PIWIL1: variants seen among roughly 807,000 people sequenced by gnomAD.
PIWIL1 encodes the protein piwi-like protein 1.
A neutral mutation model predicts 114.4 loss-of-function variants in PIWIL1; 73 were observed. The observed-to-expected ratio is 0.64, with a 90% CI of 0.53 to 0.78. The LOEUF is 0.78. PIWIL1 is among the 30% of genes least tolerant of loss of function. The probability of loss-of-function intolerance (pLI) is 0.00; values close to 1 mark genes in which losing one functional copy is unlikely to be tolerated. For missense variants in PIWIL1, 723 were observed against 1,063.1 expected (o/e 0.68, Z 4.45); for synonymous variants, 375 against 369.0 (o/e 1.02, Z -0.19).
chr12:130,413,941 G>A, the PIWIL1 span, among the ~76,000 whole-genome samples: 1 of 152,230 alleles, frequency 6.6e-6, no homozygotes. Flanking sequence ...AGATGCTGGA[G>A]AAGGCACTTT....
chr12:130,424,391 C>T, the PIWIL1 span: 5 of 1,232,614 alleles, frequency 4.1e-6, no homozygotes, highest in East Asian at 6.3e-5. This position sits in a 1 kb window ranked among gnomAD's most constrained non-coding sequence, Gnocchi z 9.8. Context: ...GCGTCCGCCG[C>T]CGGGCCAGCA....
rs759402323 is a variant in PIWIL1, at chr12:130,357,541, A to G, written c.1653A>G (p.Ala551=). 1.9e-6 allele frequency: 3 copies of G among 1,610,350 alleles called. No individual in the cohort carries two copies. In the South Asian group the frequency reaches 3.3e-5, roughly 18 times the overall value. The part of the protein sequence containing the change: ...YLRVLQQKVT[A]DTQIVVCLLS... The stretch of plus-strand genomic sequence containing the variant: ...GAGTCTTACAGCAAAAGGTCACAGC[A>G]GACACCCAGATAGTAAGTAACTAAT... The change falls in exon 14 of 21, where the codon GCA becomes GCG. Residue 551 remains alanine, a synonymous_variant. Transcript: ENST00000245255.
chr12:130,352,458 C>T lies in PIWIL1; in HGVS notation c.1045-2079C>T, dbSNP rs761250840. On this transcript the variant is annotated intron_variant, in intron 9 of 20. Coordinates refer to ENST00000245255, the MANE Select transcript of PIWIL1 (RefSeq NM_004764.5). Reference sequence around the variant, plus strand: ...CTCTGGGAGGCCGAGGTGGGTGGATCACCTAAGGTCAGGAGTTTGAGACCA... The same window carrying T: ...CTCTGGGAGGCCGAGGTGGGTGGATTACCTAAGGTCAGGAGTTTGAGACCA... 5.3e-5 allele frequency among the ~76,000 whole-genome samples: 8 copies of T among 152,136 alleles called. No individual in the cohort carries two copies. The East Asian group carries it at 9.6e-4, about 18-fold the overall frequency.
In PIWIL1 at chr12:130,346,628, G is replaced by T. The variant is rs528177849; in HGVS notation, c.531+44G>T. The T allele has an allele frequency of 2.0e-6, 3 of 1,466,686 alleles. No individual in the cohort carries two copies. In the South Asian group the frequency reaches 3.4e-5, roughly 17 times the overall value. 90.9% of individuals were successfully genotyped at this position (1,466,686 alleles called of 1,614,324 possible). ...GATGGGGGATTTCCACTTCAAAGCA[G>T]AACTACCACAATGTAAGATAGCTCA... On this transcript the variant is annotated intron_variant, in intron 5 of 20. Transcript: ENST00000245255.
intron 1 of PIWIL1, among the ~76,000 whole-genome samples, chr12:130,341,528 C>G (rs907383926): frequency 3.3e-5 from 5 of 152,202 alleles, no homozygotes; most frequent in African/African-American, 1.2e-4. Context: ...GCTTTTAAAG[C>G]TGTGTGTAAA....
In PIWIL1 at chr12:130,361,408, G is replaced by A. The variant is rs760845959; in HGVS notation, c.1866+28G>A. The A allele has an allele frequency of 5.2e-5, 84 of 1,611,404 alleles. No homozygotes were observed. In the Admixed American group the frequency reaches 5.5e-4, roughly 11 times the overall value. ...GAGTTTGATTTAATTGGTAGATGCC[G>A]TTTTAAAATTGGTATTTAAGAACAT... On this transcript the variant is annotated intron_variant, in intron 15 of 20. Transcript: ENST00000245255.
chr12:130,340,950 C>T (rs1405207145), intron 1 of PIWIL1, among the ~76,000 whole-genome samples: 1 of 152,036 alleles, frequency 6.6e-6, no homozygotes, highest in African/African-American at 2.4e-5. Flanking sequence ...TGCTTTAATC[C>T]TGTAAAATAC....
At chr12:130,389,039 T>C in the PIWIL1 span, among the ~76,000 whole-genome samples, 1 of 152,174 alleles carries the variant, frequency 6.6e-6, no homozygotes, top group Non-Finnish European at 1.5e-5. Context: ...TGAGTTTTTT[T>C]AGTTTTTCTA....
In PIWIL1 at chr12:130,346,453, A is replaced by G. The variant is rs940667615; in HGVS notation, c.400A>G (p.Ile134Val). The change falls in exon 5 of 21, where the codon ATT becomes GTT. Residue 134 changes from isoleucine to valine, a missense_variant. This residue lies in a region of PIWIL1 where 190 missense variants were observed against 294.4 expected (regional missense o/e 0.65). Transcript: ENST00000245255. ...RPQWALYQYH[I>V]DYNPLMEARR... Reference sequence around the variant, plus strand: ...CCAGTGGGCCTTATATCAGTATCACATTGACTATAACCCACTGATGGAAGC... The same window carrying G: ...CCAGTGGGCCTTATATCAGTATCACGTTGACTATAACCCACTGATGGAAGC... 14 of 1,613,900 alleles carry G rather than the reference A, an allele frequency of 8.7e-6. No individual in the cohort carries two copies. The South Asian group carries it at 1.3e-4, about 15-fold the overall frequency.
rs1262554687 is a variant in PIWIL1, at chr12:130,347,085, T to C, written c.653+23T>C. 2.6e-6 allele frequency: 4 copies of C among 1,547,704 alleles called. No individual in the cohort carries two copies. The South Asian group carries it at 3.5e-5, about 13-fold the overall frequency. On this transcript the variant is annotated intron_variant, in intron 6 of 20. Transcript: ENST00000245255. ...GAGGTATGTGTTTTATTTCAACATT[T>C]TATTAAGAAAACAGCAAAGTTGAAA... is the stretch of plus-strand genomic sequence containing the variant.
chr12:130,424,480 G>A, the PIWIL1 span: 255 of 1,232,008 alleles, frequency 2.1e-4, no homozygotes, highest in Middle Eastern at 6.2e-4. The surrounding 1 kb of genome is among the most constrained non-coding windows in gnomAD (Gnocchi z 9.8). Flanking sequence ...AAGCCAAACC[G>A]CGACTCGTCC....
chr12:130,413,699 G>A, the PIWIL1 span, among the ~76,000 whole-genome samples: 9 of 150,212 alleles, frequency 6.0e-5, no homozygotes, highest in African/African-American at 2.2e-4. Context: ...TCCATCAGGT[G>A]TATTAAAGAA....
In PIWIL1 at chr12:130,349,493, T is replaced by C; in HGVS notation, c.932+57T>C. 24 of 1,142,870 alleles carry C rather than the reference T, an allele frequency of 2.1e-5. No individual in the cohort carries two copies. In the South Asian group the frequency reaches 3.1e-4, roughly 15 times the overall value. 70.8% of individuals were successfully genotyped at this position (1,142,870 alleles called of 1,614,324 possible). A position where few individuals can be genotyped will look rare whatever the true frequency, so the allele number is the denominator to read the frequency against. ...TTTTGTGAGTCAAAGTATTGTGGCT[T>C]TCTAGTTCTACCATGTTAAGAAATA... On this transcript the variant is annotated intron_variant, in intron 8 of 20. Coordinates refer to ENST00000245255, the MANE Select transcript of PIWIL1 (RefSeq NM_004764.5).
At chr12:130,406,181 T>C in the PIWIL1 span, 12 of 1,563,294 alleles carry the variant, frequency 7.7e-6, no homozygotes, top group South Asian at 9.0e-5. Context: ...CATAATAAAA[T>C]CCATCTTCAT....
At chr12:130,424,821 C>A in the PIWIL1 span, 2 of 1,232,580 alleles carry the variant, frequency 1.6e-6, no homozygotes, top group Non-Finnish European at 2.0e-6. This position sits in a 1 kb window ranked among gnomAD's most constrained non-coding sequence, Gnocchi z 9.8. Flanking sequence ...GGGCTGCTCC[C>A]AGAAAGTGCC....
the PIWIL1 span, among the ~76,000 whole-genome samples, chr12:130,391,166 C>T: frequency 2.0e-4 from 31 of 152,328 alleles, no homozygotes; most frequent in African/African-American, 7.0e-4. Context: ...GAGGGACAAC[C>T]AGCAGCACAT....
chr12:130,412,712 T>C, the PIWIL1 span: 4 of 1,613,670 alleles, frequency 2.5e-6, no homozygotes, highest in East Asian at 2.2e-5. Context: ...TCAGAGACCA[T>C]GTTACAAGGA....
chr12:130,424,521 G>C, the PIWIL1 span: 9 of 1,231,988 alleles, frequency 7.3e-6, no homozygotes, highest in Non-Finnish European at 8.1e-6. The surrounding 1 kb of genome is among the most constrained non-coding windows in gnomAD (Gnocchi z 9.8). Flanking sequence ...GCCGCTGTCC[G>C]GGCTCCGGGT....
downstream of PIWIL1, among the ~76,000 whole-genome samples, chr12:130,374,287 G>A (rs991570159): frequency 8.5e-5 from 13 of 152,106 alleles, no homozygotes; most frequent in Admixed American, 3.9e-4. Flanking sequence ...TTCAACAGCA[G>A]TTTCATTCTG....
Sources: allele counts gnomAD v4.1 joint callset (sites outside exome capture counted in the v4.1 genomes callset), GRCh38; gene constraint gnomAD v4.1.1; regional missense constraint gnomAD v4.1.1; non-coding constraint Gnocchi (gnomAD v3.1); transcripts MANE v1.5; gene names NCBI Gene and HGNC (gene_info 2026-07-23, HGNC 2026-07-21).